The following PHACTR3 variants were observed in gnomAD, a reference collection of about 807,000 sequenced individuals.
The protein encoded by PHACTR3 is protein phosphatase 1, regulatory subunit 123.
In PHACTR3, 16 loss-of-function variants were observed where a neutral mutation model predicts 66.8. The ratio of observed to expected loss-of-function variants is 0.24; its 90% CI spans 0.16 to 0.36. The LOEUF is 0.36. PHACTR3 is among the 10% of genes least tolerant of loss of function. The pLI is 1.00. For missense variants in PHACTR3, 647 were observed against 719.9 expected (o/e 0.90, Z 1.16); for synonymous variants, 323 against 292.1 (o/e 1.11, Z -1.08).
intron 1 of PHACTR3, among the ~76,000 whole-genome samples, chr20:59,622,939 G>A (rs566046585): frequency 2.6e-4 from 33 of 126,300 alleles, no homozygotes; most frequent in African/African-American, 1.0e-3. Context: ...TGTATTTCAA[G>A]GAGGGCTTCT....
At chr20:59,790,781 A>G (rs764044415) in intron 7 of PHACTR3, among the ~76,000 whole-genome samples, 3 of 152,248 alleles carry the variant, frequency 2.0e-5, no homozygotes, top group Non-Finnish European at 4.4e-5. Context: ...GGAAGTAGAT[A>G]CTGCAAAATG....
At chr20:59,753,579 A>G (rs990113951) in intron 3 of PHACTR3, among the ~76,000 whole-genome samples, 2 of 152,180 alleles carry the variant, frequency 1.3e-5, no homozygotes, top group Non-Finnish European at 2.9e-5. Context: ...GTCAGAAACC[A>G]TCACCAACAA....
At chr20:59,746,744 T>C (rs773291709) in intron 2 of PHACTR3, among the ~76,000 whole-genome samples, 13 of 152,238 alleles carry the variant, frequency 8.5e-5, no homozygotes, top group Non-Finnish European at 1.6e-4. Context: ...AGAACACTGA[T>C]GGACTCTCTG....
chr20:59,839,210 CTGA>C (rs1172905089), intron 9 of PHACTR3, among the ~76,000 whole-genome samples: 1 of 152,114 alleles, frequency 6.6e-6, no homozygotes, highest in Admixed American at 6.5e-5. Flanking sequence ...TATCAGCTTT[CTGA>C]TGATACCTTA....
Position 59,608,534 on chromosome 20 carries a change from C to T in PHACTR3, c.118+3402C>T, listed in dbSNP as rs572318011. ...CAGGCTCTGGGACTAGGCTTCTGCC[C>T]GCTCCACATCCTGGGGCCAGCCCCT... On this transcript the variant is annotated intron_variant, in intron 1 of 12. Coordinates refer to ENST00000371015, the MANE Select transcript of PHACTR3 (RefSeq NM_080672.5). Among the ~76,000 whole-genome samples the T allele has an allele frequency of 7.9e-5, 12 of 152,334 alleles. No individual in the cohort carries two copies. The South Asian group carries it at 8.3e-4, about 11-fold the overall frequency.
chr20:59,756,413 G>A (rs1167221851), intron 4 of PHACTR3, among the ~76,000 whole-genome samples: 4 of 152,200 alleles, frequency 2.6e-5, no homozygotes, highest in African/African-American at 9.6e-5. Flanking sequence ...CTCCGTGCCC[G>A]GGACTTCCTT....
intron 1 of PHACTR3, among the ~76,000 whole-genome samples, chr20:59,734,439 G>A (rs1300539488): frequency 6.6e-6 from 1 of 151,632 alleles, no homozygotes; most frequent in Non-Finnish European, 1.5e-5. Flanking sequence ...CTTCGTTTTT[G>A]TAGAGACAGG....
chr20:59,680,567 C>T (rs1451130438), intron 1 of PHACTR3, among the ~76,000 whole-genome samples: 1 of 152,204 alleles, frequency 6.6e-6, no homozygotes, highest in African/African-American at 2.4e-5. Flanking sequence ...GTAACCCAAG[C>T]TTGTCCAACC....
At chr20:59,767,976 C>A (rs548364714) in intron 5 of PHACTR3, among the ~76,000 whole-genome samples, 1 of 152,092 alleles carries the variant, frequency 6.6e-6, no homozygotes, top group Non-Finnish European at 1.5e-5. Flanking sequence ...CTTCCTCCCT[C>A]CCTCTCTCTG....
intron 1 of PHACTR3, among the ~76,000 whole-genome samples, chr20:59,607,063 C>T (rs927625277): frequency 1.3e-5 from 2 of 152,148 alleles, no homozygotes; most frequent in African/African-American, 2.4e-5. Context: ...GGAGGAAGGG[C>T]GGGCTCAGGG....
intron 1 of PHACTR3, among the ~76,000 whole-genome samples, chr20:59,673,750 T>G (rs1046523035): frequency 6.6e-6 from 1 of 151,722 alleles, no homozygotes; most frequent in African/African-American, 2.4e-5. Flanking sequence ...TGTCAGTGCC[T>G]CAGAGCTGCA....
chr20:59,686,978 T>C (rs935746852), intron 1 of PHACTR3, among the ~76,000 whole-genome samples: 1 of 151,676 alleles, frequency 6.6e-6, no homozygotes, highest in Non-Finnish European at 1.5e-5. Context: ...ATTGTGATGA[T>C]GGTGATGATT....
intron 8 of PHACTR3, among the ~76,000 whole-genome samples, chr20:59,822,767 C>T (rs904926270): frequency 2.0e-5 from 3 of 152,234 alleles, no homozygotes; most frequent in African/African-American, 4.8e-5. Flanking sequence ...ACCCTGCCTC[C>T]AGCTCCCAGC....
intron 7 of PHACTR3, among the ~76,000 whole-genome samples, chr20:59,805,806 G>A (rs2041548356): frequency 6.6e-6 from 1 of 152,238 alleles, no homozygotes; most frequent in African/African-American, 2.4e-5. Flanking sequence ...GGAAACCCAT[G>A]AGTAGGGGGC....
At chr20:59,799,025 A>G (rs2041336372) in intron 7 of PHACTR3, among the ~76,000 whole-genome samples, 1 of 151,812 alleles carries the variant, frequency 6.6e-6, no homozygotes, top group Admixed American at 6.6e-5. Context: ...TTCCCTTTTG[A>G]TTTCTTATTG....
intron 8 of PHACTR3, among the ~76,000 whole-genome samples, chr20:59,827,233 G>C (rs562258776): frequency 6.6e-6 from 1 of 152,102 alleles, no homozygotes; most frequent in Non-Finnish European, 1.5e-5. Flanking sequence ...CTTCATGGGC[G>C]GGGGTGCACG....
chr20:59,817,091 A>C (rs1284223935), intron 8 of PHACTR3, among the ~76,000 whole-genome samples: 1 of 152,254 alleles, frequency 6.6e-6, no homozygotes, highest in African/African-American at 2.4e-5. Context: ...AGTTTAGTTC[A>C]GTACAATAAG....
intron 1 of PHACTR3, among the ~76,000 whole-genome samples, chr20:59,678,399 TG>T (rs1394219285): frequency 6.6e-6 from 1 of 152,172 alleles, no homozygotes; most frequent in Non-Finnish European, 1.5e-5. Flanking sequence ...CCACACGCTT[TG>T]CACCGTGGAG....
chr20:59,843,655 C>T (rs2059103031), intron 11 of PHACTR3: 1 of 152,018 alleles, frequency 6.6e-6, no homozygotes, highest in Non-Finnish European at 1.5e-5. Context: ...AACTGTACCC[C>T]TATTTCTTAC....
Sources: gnomAD v4.1 joint callset for allele counts (sites outside exome capture counted in the v4.1 genomes callset) on GRCh38, gnomAD v4.1.1 for gene constraint, MANE v1.5 for transcripts, NCBI Gene and HGNC (gene_info 2026-07-23, HGNC 2026-07-21) for gene names.